The following PTPRD variants were observed in gnomAD, a reference collection of about 807,000 sequenced individuals.
PTPRD encodes protein tyrosine phosphatase receptor type D.
Under a neutral mutation model 214.5 loss-of-function variants are expected in PTPRD, and 34 were observed. That is an observed-to-expected ratio of 0.16 (90% CI 0.12 to 0.21). PTPRD has a LOEUF of 0.21. Among genes scored for constraint, PTPRD ranks in the 10% least tolerant of loss-of-function variants. The probability of loss-of-function intolerance (pLI) is 1.00; values close to 1 mark genes in which losing one functional copy is unlikely to be tolerated. For missense variants in PTPRD, 2,545 were observed against 2,398.7 expected, an observed-to-expected ratio of 1.06 and a Z score of -1.27; for synonymous variants, 1,128 against 845.7, an observed-to-expected ratio of 1.33 and a Z score of -5.79.
chr9:8,783,600 C>T (rs1350057878), intron 11 of PTPRD, among the ~76,000 whole-genome samples: 1 of 152,192 alleles, frequency 6.6e-6, no homozygotes, highest in Non-Finnish European at 1.5e-5. Flanking sequence ...TTAGTCCCAC[C>T]ATACCCTGGT....
At chr9:9,065,306 A>G (rs1304050233) in intron 10 of PTPRD, among the ~76,000 whole-genome samples, 1 of 152,148 alleles carries the variant, frequency 6.6e-6, no homozygotes, top group Non-Finnish European at 1.5e-5. Context: ...GAAAAGTGAC[A>G]ATGGTAGAAA....
At position 8,583,599 on chromosome 9, in the gene PTPRD, T is replaced by C. The variant is rs568436650; in HGVS notation, c.352+49718A>G. 2.0e-5 allele frequency among the ~76,000 whole-genome samples: 3 copies of C among 152,328 alleles called. No homozygotes were observed. In the East Asian group the frequency reaches 5.8e-4, roughly 29 times the overall value. ...CCAATTTATGTAAAGTTTGAAAACA[T>C]GAAAACCTATGCCATAAACTATTTA... On this transcript the variant is annotated intron_variant, in intron 14 of 45. Transcript: ENST00000381196.
intron 14 of PTPRD, among the ~76,000 whole-genome samples, chr9:8,548,676 ATTTTTTTTTTTTT>A (rs71317369): frequency 8.8e-4 from 36 of 41,118 alleles, no homozygotes; most frequent in Admixed American, 2.9e-3. Context: ...CTGGAGCTGG[ATTTTTTTTTTTTT>A]TTTTTTTTTT....
intron 14 of PTPRD, among the ~76,000 whole-genome samples, chr9:8,610,163 A>G (rs1484211470): frequency 6.7e-6 from 1 of 149,002 alleles, no homozygotes; most frequent in East Asian, 2.0e-4. Flanking sequence ...CATCATTATT[A>G]TTTGTTGTTG....
chr9:10,233,420 C>T (rs958803134), intron 3 of PTPRD, among the ~76,000 whole-genome samples: 3 of 151,910 alleles, frequency 2.0e-5, no homozygotes, highest in African/African-American at 7.2e-5. Flanking sequence ...TCTCATCCAA[C>T]AATTTTTTTC....
intron 11 of PTPRD, among the ~76,000 whole-genome samples, chr9:8,743,575 C>G (rs549726059): frequency 1.1e-4 from 16 of 152,092 alleles, no homozygotes; most frequent in African/African-American, 3.9e-4. Context: ...CTCTTCATAC[C>G]TCTCTCACCT....
chr9:10,566,734 C>T (rs773083278), intron 2 of PTPRD, among the ~76,000 whole-genome samples: 4 of 151,634 alleles, frequency 2.6e-5, no homozygotes, highest in East Asian at 1.9e-4. Flanking sequence ...CGTTTTTTTG[C>T]GACTTAAGAA....
At chr9:8,899,711 G>A (rs570074681) in intron 11 of PTPRD, among the ~76,000 whole-genome samples, 1 of 152,308 alleles carries the variant, frequency 6.6e-6, no homozygotes, top group African/African-American at 2.4e-5. Context: ...CCTTTCACTT[G>A]CATTTGCAAT....
At chr9:9,715,851 GTTATTA>G (rs570155410) in intron 7 of PTPRD, among the ~76,000 whole-genome samples, 5 of 151,512 alleles carry the variant, frequency 3.3e-5, no homozygotes, top group African/African-American at 9.7e-5. Context: ...AGCTTCTTTT[GTTATTA>G]TTATTATTAT....
At chr9:9,534,004 C>G (rs2154266459) in intron 8 of PTPRD, among the ~76,000 whole-genome samples, 1 of 152,090 alleles carries the variant, frequency 6.6e-6, no homozygotes, top group East Asian at 1.9e-4. Context: ...GCTAAATAAA[C>G]AGTGGCATAG....
Position 9,716,780 on chromosome 9 carries a change from T to C in PTPRD, c.-287+17753A>G, listed in dbSNP as rs936397846. On this transcript the variant is annotated intron_variant, in intron 7 of 45. Transcript: ENST00000381196. ...TTGTCAGATGAGTAGGTTGCAAAAA[T>C]TTTCTCCCATTTTGTAGGTTGCCTG... Among the ~76,000 whole-genome samples, 128 of 152,058 alleles carry C rather than the reference T, an allele frequency of 8.4e-4. No homozygotes were observed. In the Middle Eastern group the frequency reaches 0.017, roughly 20 times the overall value.
intron 3 of PTPRD, among the ~76,000 whole-genome samples, chr9:10,178,316 A>G (rs552613020): frequency 6.6e-6 from 1 of 152,028 alleles, no homozygotes; most frequent in African/African-American, 2.4e-5. Context: ...CCCTACCAAC[A>G]TGTCACTGGA....
chr9:9,100,547 A>G (rs1273439721), intron 10 of PTPRD, among the ~76,000 whole-genome samples: 1 of 152,156 alleles, frequency 6.6e-6, no homozygotes. Flanking sequence ...TAGACAGAAC[A>G]TTGTTCAAGC....
At chr9:8,993,611 CTAAGA>C (rs1375267765) in intron 11 of PTPRD, among the ~76,000 whole-genome samples, 1 of 152,052 alleles carries the variant, frequency 6.6e-6, no homozygotes, top group African/African-American at 2.4e-5. Context: ...GGAAAATCAA[CTAAGA>C]TGATTATATT....
chr9:9,423,136 G>A (rs72702564), intron 8 of PTPRD, among the ~76,000 whole-genome samples: 6,267 of 152,228 alleles, frequency 0.041, 169 homozygotes, highest in Middle Eastern at 0.12. Context: ...AAGATAGAGT[G>A]AATCTTCTCT....
chr9:10,223,463 G>C (rs1322531370), intron 3 of PTPRD, among the ~76,000 whole-genome samples: 1 of 151,728 alleles, frequency 6.6e-6, no homozygotes, highest in Non-Finnish European at 1.5e-5. Context: ...CCAGGAGTTA[G>C]GACCAGCCTG....
intron 11 of PTPRD, among the ~76,000 whole-genome samples, chr9:8,841,568 G>A (rs914210681): frequency 1.8e-4 from 27 of 152,080 alleles, no homozygotes; most frequent in Non-Finnish European, 3.5e-4. Context: ...GAGATCTTTT[G>A]TTAAAGCTAT....
At chr9:8,683,201 G>C (rs921174055) in intron 12 of PTPRD, among the ~76,000 whole-genome samples, 6 of 152,172 alleles carry the variant, frequency 3.9e-5, no homozygotes, top group Admixed American at 2.0e-4. Context: ...TGCATGTGCT[G>C]TGGTGTCTCT....
chr9:10,612,215 A>AAAAG (rs1555626810), intron 2 of PTPRD, among the ~76,000 whole-genome samples, 183 bp downstream of exon 2: 1 of 151,234 alleles, frequency 6.6e-6, no homozygotes, highest in Admixed American at 6.6e-5. Flanking sequence ...TTCCAAAAAA[A>AAAAG]AAAAAAAAAG....
Sources: allele counts gnomAD v4.1 joint callset (sites outside exome capture counted in the v4.1 genomes callset), GRCh38; gene constraint gnomAD v4.1.1; transcripts MANE v1.5; gene names NCBI Gene and HGNC (gene_info 2026-07-23, HGNC 2026-07-21).